The following MCAT variants were observed in gnomAD, a reference collection of about 807,000 sequenced individuals.
MCAT encodes the protein malonyl-CoA-acyl carrier protein transacylase, also known as malonyl-CoA-acyl carrier protein transacylase, mitochondrial.
MCAT carries 22 observed loss-of-function variants against 22.9 expected under a neutral mutation model. That is an observed-to-expected ratio of 0.96 (90% CI 0.69 to 1.37). The LOEUF is 1.37. MCAT is among the 40% of genes most tolerant of loss of function. The pLI is 0.00. For synonymous variants in MCAT, 240 were observed against 233.9 expected, an observed-to-expected ratio of 1.03 and a Z score of -0.24; for missense variants, 534 against 533.6, an observed-to-expected ratio of 1.00 and a Z score of -0.01.
In MCAT at chr22:43,132,815, A is replaced by G. The variant is rs1930484359; in HGVS notation, c.*228T>C. 5.4e-6 allele frequency: 3 copies of G among 552,164 alleles called. No individual in the cohort carries two copies. The highest frequency in any genetic ancestry group is 9.8e-6 in the Non-Finnish European group (3 of 307,488). The allele number at this position is 552,164 out of a possible 1,614,324, so 34.2% of individuals were successfully genotyped here. The stretch of plus-strand genomic sequence containing the variant: ...CTTCCCCACACACCAGCCCTGTGGC[A>G]TCATTCTTCCCAACGTCCAAACGTT... On this transcript the variant is annotated 3_prime_UTR_variant, in exon 4 of 4. Coordinates refer to ENST00000290429, the MANE Select transcript of MCAT (RefSeq NM_173467.5).
chr22:43,136,371 C>T (rs1930611470), intron 3 of MCAT, among the ~76,000 whole-genome samples: 1 of 152,266 alleles, frequency 6.6e-6, no homozygotes, highest in African/African-American at 2.4e-5. Context: ...TCTGCGCTCA[C>T]TCAGCATTCC....
Position 43,142,918 on chromosome 22 carries a change from G to T in MCAT, c.423+8C>A. Reference sequence around the variant, plus strand: ...TTCCCCCTCCTGTCACGGGGCCTCGGGCCTCACCGAGGGCTGCAGGTGATG... The same window carrying T: ...TTCCCCCTCCTGTCACGGGGCCTCGTGCCTCACCGAGGGCTGCAGGTGATG... On this transcript the variant is annotated splice_region_variant and intron_variant, in intron 1 of 3. Transcript: ENST00000290429. The T allele has an allele frequency of 1.3e-6, 2 of 1,534,338 alleles. No individual in the cohort carries two copies. Among genetic ancestry groups the T allele is most frequent in the East Asian group, 2.5e-5 (1 of 40,274 alleles).
At chr22:43,140,009 A>AT (rs1324021838) in intron 2 of MCAT, among the ~76,000 whole-genome samples, 2 of 152,228 alleles carry the variant, frequency 1.3e-5, no homozygotes. Flanking sequence ...TGAAATTCAC[A>AT]TAAAATATAA....
intron 3 of MCAT, among the ~76,000 whole-genome samples, chr22:43,134,410 C>T (rs1930545768): frequency 6.6e-6 from 1 of 152,260 alleles, no homozygotes; most frequent in Non-Finnish European, 1.5e-5. Flanking sequence ...TGCAAAGGTG[C>T]GATCTTGGCT....
chr22:43,140,088 T>C (rs1930726954), intron 2 of MCAT, among the ~76,000 whole-genome samples: 1 of 152,196 alleles, frequency 6.6e-6, no homozygotes, highest in Non-Finnish European at 1.5e-5. Context: ...CCACCAACTC[T>C]CTCTAGTTTC....
In MCAT at chr22:43,133,088, C is replaced by G. The variant is rs140137125; in HGVS notation, c.1128G>C (p.Gln376His). The G allele has an allele frequency of 8.5e-4, 1,364 of 1,614,190 alleles. 12 individuals are homozygous for G. In the African/African-American group the frequency reaches 0.016, roughly 19 times the overall value. ...GGTCCAGGTCCACATGTTCGAGGGT[C>G]TGCAGCACATCCACGGCGCTGTAGG... is the stretch of plus-strand genomic sequence containing the variant. ...WKSYSAVDVL[Q>H]TLEHVDLDPQ... Residue 376 changes from glutamine (Q) to histidine (H), a missense_variant, in exon 4 of 4, where the codon CAG becomes CAC. By Grantham distance (24) the Gln-to-His change is conservative. Transcript: ENST00000290429.
Position 43,141,367 on chromosome 22 carries a change from T to G in MCAT, c.424-118A>C, listed in dbSNP as rs534968301. 3.5e-4 allele frequency: 275 copies of G among 796,712 alleles called. 4 individuals carry two copies. In the South Asian group the frequency reaches 3.9e-3, roughly 11 times the overall value. The allele number at this position is 796,712 out of a possible 1,614,324, so 49.4% of individuals were successfully genotyped here. On this transcript the variant is annotated intron_variant, in intron 1 of 3. Coordinates refer to ENST00000290429, the MANE Select transcript of MCAT (RefSeq NM_173467.5). ...CTCAGTGAGCCAGGTTCTACGAACT[T>G]GGTGCACCAGCTGGAAGAGGACACA...
chr22:43,139,601 CAG>C (rs1422304501), intron 2 of MCAT, among the ~76,000 whole-genome samples: 2 of 138,454 alleles, frequency 1.4e-5, no homozygotes, highest in African/African-American at 5.4e-5. Context: ...TTTTTTGACA[CAG>C]AGTCTCATTC....
intron 3 of MCAT, among the ~76,000 whole-genome samples, chr22:43,134,285 G>C (rs1601739577): frequency 1.3e-5 from 2 of 152,136 alleles, no homozygotes; most frequent in African/African-American, 4.8e-5. Flanking sequence ...GCTCAGAAGG[G>C]GCCTCGGGCG....
chr22:43,140,470 A>C (rs1930736771), intron 2 of MCAT, among the ~76,000 whole-genome samples: 1 of 152,076 alleles, frequency 6.6e-6, no homozygotes, highest in South Asian at 2.1e-4. Context: ...CATCCTCCCA[A>C]GTACTCGAGC....
At chr22:43,133,829 G>A (rs527679168) in intron 3 of MCAT, among the ~76,000 whole-genome samples, 163 of 145,482 alleles carry the variant, frequency 1.1e-3, no homozygotes, top group Non-Finnish European at 1.6e-3. Flanking sequence ...TTTTTGAGAC[G>A]GTGTCTCGCT....
At position 43,141,353 on chromosome 22, in the gene MCAT, A is replaced by C. The variant is rs186431167; in HGVS notation, c.424-104T>G. ...GGGGTGTTCAGCATCTCAGTGAGCCAGGTTCTACGAACTTGGTGCACCAGC... is the reference window on the plus strand; with the variant it reads ...GGGGTGTTCAGCATCTCAGTGAGCCCGGTTCTACGAACTTGGTGCACCAGC... On this transcript the variant is annotated intron_variant, in intron 1 of 3. Coordinates refer to ENST00000290429, the MANE Select transcript of MCAT (RefSeq NM_173467.5). 33 of 918,508 alleles carry C rather than the reference A, an allele frequency of 3.6e-5. No individual in the cohort carries two copies. In the African/African-American group the frequency reaches 5.2e-4, roughly 14 times the overall value. The allele number at this position is 918,508 out of a possible 1,614,324, so 56.9% of individuals were successfully genotyped here. A position where few individuals can be genotyped will look rare whatever the true frequency, so the allele number is the denominator to read the frequency against.
intron 2 of MCAT, among the ~76,000 whole-genome samples, chr22:43,138,041 T>C (rs73179060): frequency 0.034 from 5,126 of 152,002 alleles, 142 homozygotes; most frequent in Middle Eastern, 0.17. Flanking sequence ...CTGAGCAACA[T>C]AGGGAGACCC....
chr22:43,141,065 A>G (rs1930753426), intron 2 of MCAT, 97 bp downstream of exon 2: 1 of 924,708 alleles, frequency 1.1e-6, no homozygotes, highest in African/African-American at 1.6e-5. Context: ...CTCCCTTCCC[A>G]TCACCTGAGT....
chr22:43,133,327 CAGAAACCAG>C lies in MCAT; in HGVS notation c.880_888del (p.Leu294_Ser296del). On this transcript the variant is annotated inframe_deletion, in exon 4 of 4. Coordinates refer to ENST00000290429, the MANE Select transcript of MCAT (RefSeq NM_173467.5). ...CTATGCGCGTGGACGTTGGAGTAGA[CAGAAACCAG>C]AGGCTTCTTAATGTCGACTGCCTTT... 6.2e-7 allele frequency: 1 copy of C among 1,614,214 alleles called. No individual in the cohort carries two copies. Among genetic ancestry groups the C allele is most frequent in the Non-Finnish European group, 8.5e-7 (1 of 1,180,052 alleles).
chr22:43,141,724 A>G (rs1343869211), intron 1 of MCAT, among the ~76,000 whole-genome samples: 1 of 152,124 alleles, frequency 6.6e-6, no homozygotes, highest in Non-Finnish European at 1.5e-5. Context: ...GGTGTCCACC[A>G]CCACACTTGG....
At chr22:43,140,057 G>A (rs931982855) in intron 2 of MCAT, among the ~76,000 whole-genome samples, 1 of 151,952 alleles carries the variant, frequency 6.6e-6, no homozygotes, top group African/African-American at 2.4e-5. Context: ...TGGTATTTGG[G>A]GTATTCATAA....
rs112236534 is a variant in MCAT, at chr22:43,143,268, C to T, written c.81G>A (p.Val27=). Reference sequence around the variant, plus strand: ...CTACACCCTGGGCGCCCGGCGGAGGCACCGGGAAGCTCGAGGCGCCGCGGC... The same window carrying T: ...CTACACCCTGGGCGCCCGGCGGAGGTACCGGGAAGCTCGAGGCGCCGCGGC... ...SYRRGASSFP[V]PPPGAQGVAE... Residue 27 remains valine, a synonymous_variant, in exon 1 of 4, where the codon GTG becomes GTA. Transcript: ENST00000290429. 3.3e-5 allele frequency: 48 copies of T among 1,442,240 alleles called. No individual in the cohort carries two copies. Among genetic ancestry groups the T allele is most frequent in the Non-Finnish European group, 4.2e-5 (47 of 1,108,168 alleles). The allele number at this position is 1,442,240 out of a possible 1,614,324, so 89.3% of individuals were successfully genotyped here. A position where few individuals can be genotyped will look rare whatever the true frequency, so the allele number is the denominator to read the frequency against.
intron 2 of MCAT, among the ~76,000 whole-genome samples, chr22:43,137,901 G>C (rs1402076515): frequency 6.6e-6 from 1 of 152,164 alleles, no homozygotes; most frequent in Non-Finnish European, 1.5e-5. Flanking sequence ...GGGCTGTTGT[G>C]AAAGCTGGGA....
Sources: allele counts gnomAD v4.1 joint callset (sites outside exome capture counted in the v4.1 genomes callset), GRCh38; gene constraint gnomAD v4.1.1; transcripts MANE v1.5; gene names NCBI Gene and HGNC (gene_info 2026-07-23, HGNC 2026-07-21).